ATRNL1: variants seen among roughly 807,000 people sequenced by gnomAD.
ATRNL1 encodes the protein attractin-like protein 1.
ATRNL1 carries 95 observed loss-of-function variants against 182.7 expected under a neutral mutation model. The observed-to-expected ratio is 0.52, with a 90% CI of 0.44 to 0.62. The LOEUF (loss-of-function observed/expected upper bound fraction) is 0.62. Ranked by LOEUF, ATRNL1 falls within the 20% of genes least tolerant of loss-of-function variation. ATRNL1 has a pLI of 0.00. For synonymous variants in ATRNL1, 576 were observed against 568.3 expected (o/e 1.01, Z -0.19); for missense variants, 1,471 against 1,679.5 (o/e 0.88, Z 2.17).
At chr10:115,674,448 T>G (rs1555042331) in intron 26 of ATRNL1, among the ~76,000 whole-genome samples, 1 of 152,140 alleles carries the variant, frequency 6.6e-6, no homozygotes, top group Non-Finnish European at 1.5e-5. Context: ...TGGCCTATTC[T>G]TGAATAATAT....
intron 26 of ATRNL1, among the ~76,000 whole-genome samples, chr10:115,719,099 G>A (rs929708040): frequency 2.0e-5 from 3 of 151,960 alleles, no homozygotes; most frequent in Non-Finnish European, 4.4e-5. Flanking sequence ...TTTTAAAAAC[G>A]ATGAAAGAAA....
chr10:115,165,531 G>A (rs1847000065), intron 6 of ATRNL1, 27 bp from the exon 7 acceptor site: 5 of 1,293,270 alleles, frequency 3.9e-6, no homozygotes, highest in Non-Finnish European at 5.3e-6. Context: ...CTTAGCTTAT[G>A]AAGTTATTTT....
chr10:115,830,069 C>T (rs1268029565), intron 27 of ATRNL1, among the ~76,000 whole-genome samples: 3 of 152,166 alleles, frequency 2.0e-5, no homozygotes, highest in Admixed American at 2.0e-4. Flanking sequence ...ATTCTCCTGC[C>T]CTAATACTGC....
At chr10:115,284,928 A>G (rs1852536694) in intron 14 of ATRNL1, among the ~76,000 whole-genome samples, 1 of 152,188 alleles carries the variant, frequency 6.6e-6, no homozygotes, top group Non-Finnish European at 1.5e-5. Flanking sequence ...AGGACACCCA[A>G]TACCTACATT....
At chr10:115,744,585 G>A (rs1470556107) in intron 27 of ATRNL1, among the ~76,000 whole-genome samples, 56 of 151,972 alleles carry the variant, frequency 3.7e-4, no homozygotes, top group Non-Finnish European at 7.4e-5. Context: ...TTTAATGTTA[G>A]TATAATTAGT....
intron 27 of ATRNL1, among the ~76,000 whole-genome samples, chr10:115,780,845 T>A (rs1475369216): frequency 6.6e-6 from 1 of 152,038 alleles, no homozygotes; most frequent in Non-Finnish European, 1.5e-5. Flanking sequence ...AGGCTTTGAG[T>A]GAGACTCAGA....
chr10:115,591,629 G>A (rs76499676), intron 26 of ATRNL1, among the ~76,000 whole-genome samples: 2,968 of 152,228 alleles, frequency 0.019, 65 homozygotes, highest in East Asian at 0.12. Context: ...TGAAATATTC[G>A]TGGAGCATTG....
In ATRNL1 at chr10:115,426,230, G is replaced by T. The variant is rs201136438; in HGVS notation, c.3270-20G>T. Reference sequence around the variant, plus strand: ...TGAATTGCATTGTTTAATAGTAAATGAGTTTTTGTGTTTCTGCAGATGTGA... The same window carrying T: ...TGAATTGCATTGTTTAATAGTAAATTAGTTTTTGTGTTTCTGCAGATGTGA... On this transcript the variant is annotated intron_variant, in intron 20 of 28. Transcript: ENST00000355044. 6.5e-5 allele frequency: 104 copies of T among 1,607,680 alleles called. No individual in the cohort carries two copies. In the East Asian group the frequency reaches 1.9e-3, roughly 30 times the overall value.
chr10:115,267,845 T>C (rs1554911348), intron 12 of ATRNL1, among the ~76,000 whole-genome samples: 1 of 152,122 alleles, frequency 6.6e-6, no homozygotes, highest in Non-Finnish European at 1.5e-5. Flanking sequence ...GTGATCAAAC[T>C]CTGTCTCCTG....
At chr10:115,941,390 C>T (rs1045661239) in intron 28 of ATRNL1, among the ~76,000 whole-genome samples, 2 of 152,168 alleles carry the variant, frequency 1.3e-5, no homozygotes, top group African/African-American at 2.4e-5. Context: ...TGAAATACAG[C>T]GATACAGTGG....
intron 8 of ATRNL1, among the ~76,000 whole-genome samples, chr10:115,196,200 A>G (rs1443231571): frequency 1.3e-5 from 2 of 152,104 alleles, no homozygotes; most frequent in African/African-American, 2.4e-5. Flanking sequence ...TAAATATCCA[A>G]TTGTTCCAGC....
intron 26 of ATRNL1, among the ~76,000 whole-genome samples, chr10:115,676,388 C>T (rs1945861596): frequency 6.6e-6 from 1 of 152,090 alleles, no homozygotes; most frequent in East Asian, 1.9e-4. Context: ...CTTGGCATAA[C>T]CATCTGCAAT....
At chr10:115,663,567 A>T (rs935157093) in intron 26 of ATRNL1, among the ~76,000 whole-genome samples, 1 of 146,160 alleles carries the variant, frequency 6.8e-6, no homozygotes, top group Admixed American at 6.8e-5. Flanking sequence ...GAGTGATATC[A>T]TCCAAATTGT....
intron 25 of ATRNL1, among the ~76,000 whole-genome samples, chr10:115,527,015 G>A (rs1851250227): frequency 6.6e-6 from 1 of 152,044 alleles, no homozygotes; most frequent in Non-Finnish European, 1.5e-5. Flanking sequence ...GACAGCCCTT[G>A]GGAAGCATGG....
chr10:115,373,383 G>T (rs1205667359), intron 19 of ATRNL1, among the ~76,000 whole-genome samples: 1 of 151,910 alleles, frequency 6.6e-6, no homozygotes, highest in Admixed American at 6.6e-5. Flanking sequence ...TTGTGGCTAG[G>T]ACTTCCAGTA....
intron 10 of ATRNL1, among the ~76,000 whole-genome samples, chr10:115,247,696 A>G (rs1554904415): frequency 1.3e-5 from 2 of 152,230 alleles, no homozygotes; most frequent in Non-Finnish European, 2.9e-5. Flanking sequence ...AAAGAAAATC[A>G]GTATATTAAA....
At chr10:115,255,931 G>T (rs1404597151) in intron 10 of ATRNL1, among the ~76,000 whole-genome samples, 2 of 152,142 alleles carry the variant, frequency 1.3e-5, no homozygotes, top group Non-Finnish European at 2.9e-5. Context: ...TTATGTTATG[G>T]ATTATGTTTA....
At chr10:115,373,617 C>T (rs192456649) in intron 19 of ATRNL1, among the ~76,000 whole-genome samples, 21 of 152,024 alleles carry the variant, frequency 1.4e-4, no homozygotes, top group South Asian at 2.1e-4. Context: ...ACTGATATTA[C>T]GTGATTTTTA....
intron 26 of ATRNL1, among the ~76,000 whole-genome samples, chr10:115,631,751 T>A (rs1174373854): frequency 6.6e-6 from 1 of 152,102 alleles, no homozygotes; most frequent in East Asian, 1.9e-4. Flanking sequence ...ACAGTGCTGC[T>A]ACCAAATCTA....
Sources: allele counts gnomAD v4.1 joint callset (sites outside exome capture counted in the v4.1 genomes callset), GRCh38; gene constraint gnomAD v4.1.1; transcripts MANE v1.5; gene names NCBI Gene and HGNC (gene_info 2026-07-23, HGNC 2026-07-21).